GRAMD4: variants seen among roughly 807,000 people sequenced by gnomAD.
GRAMD4 encodes GRAM domain-containing protein 4.
In GRAMD4, 25 loss-of-function variants were observed where a neutral mutation model predicts 83.9. The ratio of observed to expected loss-of-function variants is 0.30; its 90% CI spans 0.22 to 0.42. The LOEUF (loss-of-function observed/expected upper bound fraction) is 0.42, where lower values mean the gene tolerates loss of function less well. Among genes scored for constraint, GRAMD4 ranks in the 10% least tolerant of loss-of-function variants. The pLI is 1.00. For synonymous variants in GRAMD4, 336 were observed against 320.9 expected (o/e 1.05, Z -0.50); for missense variants, 593 against 788.7 (o/e 0.75, Z 2.97).
At chr22:46,605,628 T>G (rs1041283777) in intron 1 of GRAMD4, among the ~76,000 whole-genome samples, 2 of 152,276 alleles carry the variant, frequency 1.3e-5, no homozygotes, top group African/African-American at 4.8e-5. Context: ...TTCTGAGTTT[T>G]TGATCATGGC....
chr22:46,585,883 C>T (rs1371484936), intron 1 of GRAMD4, among the ~76,000 whole-genome samples: 3 of 152,218 alleles, frequency 2.0e-5, no homozygotes, highest in African/African-American at 7.2e-5. Flanking sequence ...AGCCTCTGTG[C>T]AAGGCTCCTG....
chr22:46,614,291 C>T (rs1601560104), intron 1 of GRAMD4, among the ~76,000 whole-genome samples: 1 of 152,172 alleles, frequency 6.6e-6, no homozygotes, highest in East Asian at 1.9e-4. Context: ...GCTGCTGCCA[C>T]TCGGGGCCTC....
intron 1 of GRAMD4, among the ~76,000 whole-genome samples, chr22:46,612,441 T>G (rs551666906): frequency 6.6e-6 from 1 of 152,324 alleles, no homozygotes; most frequent in African/African-American, 2.4e-5. Flanking sequence ...GTTGGTGGTG[T>G]TGAGCAGGCT....
intron 1 of GRAMD4, among the ~76,000 whole-genome samples, chr22:46,595,710 C>T (rs750624973): frequency 9.2e-5 from 14 of 152,248 alleles, no homozygotes; most frequent in Non-Finnish European, 1.9e-4. Context: ...GGGACCCCTG[C>T]GGCCGGTCAG....
chr22:46,671,044 T>C (rs1456294871), intron 13 of GRAMD4: 2 of 457,324 alleles, frequency 4.4e-6, no homozygotes, highest in South Asian at 1.6e-5. Context: ...ATGTATTCTT[T>C]TGCAGTGCTG....
chr22:46,611,834 CA>C (rs138512), intron 1 of GRAMD4, among the ~76,000 whole-genome samples: 38,024 of 137,842 alleles, frequency 0.28, 5,501 homozygotes, highest in Non-Finnish European at 0.35. Context: ...ACTAAAAATA[CA>C]AAAAAAAAAA....
Position 46,678,347 on chromosome 22 carries a change from G to A in GRAMD4, c.*1096G>A. ...CACTGCCTGCAGCCGACATGCGACA[G>A]CGTTCCCTCCCCCGCGTGCCTAGCC... On this transcript the variant is annotated 3_prime_UTR_variant, in exon 19 of 19. Coordinates refer to ENST00000406902, the MANE Select transcript of GRAMD4 (RefSeq NM_015124.5). The A allele has an allele frequency of 1.0e-6, 1 of 985,512 alleles. No individual in the cohort carries two copies. The highest frequency in any genetic ancestry group is 1.2e-6 in the Non-Finnish European group (1 of 829,984). 61.0% of individuals were successfully genotyped at this position (985,512 alleles called of 1,614,324 possible).
intron 18 of GRAMD4, 79 bp downstream of exon 18, chr22:46,676,747 G>C: frequency 7.8e-7 from 1 of 1,277,550 alleles, no homozygotes; most frequent in East Asian, 2.5e-5. Context: ...GGACCAGCGT[G>C]GGGCAGACAG....
intron 2 of GRAMD4, among the ~76,000 whole-genome samples, chr22:46,635,894 G>A (rs537365640): frequency 2.0e-5 from 3 of 152,062 alleles, no homozygotes; most frequent in East Asian, 3.9e-4. Flanking sequence ...GAAGAGGACT[G>A]GAGAGAAACA....
chr22:46,627,189 G>C (rs73469122), intron 2 of GRAMD4, among the ~76,000 whole-genome samples: 2,160 of 152,344 alleles, frequency 0.014, 41 homozygotes, highest in African/African-American at 0.049. Flanking sequence ...GGCTGGATTG[G>C]TTTTCCTCAC....
chr22:46,673,162 G>A (rs756282941), intron 14 of GRAMD4, among the ~76,000 whole-genome samples, 165 bp downstream of exon 14: 5 of 152,000 alleles, frequency 3.3e-5, no homozygotes, highest in African/African-American at 7.2e-5. Flanking sequence ...TTACCACTGC[G>A]GTTTCTGAGG....
chr22:46,650,367 G>T (rs1016596781), intron 3 of GRAMD4, among the ~76,000 whole-genome samples: 18 of 128,006 alleles, frequency 1.4e-4, no homozygotes, highest in African/African-American at 5.6e-4. Flanking sequence ...GCGTGTCGAG[G>T]CTGGGTGGAG....
chr22:46,671,149 C>G (rs2082497602), intron 13 of GRAMD4: 2 of 459,924 alleles, frequency 4.3e-6, no homozygotes, highest in Admixed American at 2.4e-5. Context: ...AGCTGTCCCT[C>G]CTGGGTCGGC....
chr22:46,671,000 G>A (rs2082494314), intron 13 of GRAMD4: 1 of 405,950 alleles, frequency 2.5e-6, no homozygotes, highest in African/African-American at 2.0e-5. Flanking sequence ...TGCCAGGTGT[G>A]GGCCAAGATG....
At position 46,679,731 on chromosome 22, in the gene GRAMD4, A is replaced by C; in HGVS notation, c.*2480A>C. 1 of 967,854 alleles carries C rather than the reference A, an allele frequency of 1.0e-6. No homozygotes were observed. Among genetic ancestry groups the C allele is most frequent in the Non-Finnish European group, 1.2e-6 (1 of 813,746 alleles). The allele number at this position is 967,854 out of a possible 1,614,324, so 60.0% of individuals were successfully genotyped here. The stretch of plus-strand genomic sequence containing the variant: ...GAAAACTTTGTTTGTTTAAAGAAAA[A>C]GTATTGTATAAATTATAATTTTTAT... On this transcript the variant is annotated 3_prime_UTR_variant, in exon 19 of 19. Transcript: ENST00000406902.
chr22:46,665,335 G>A (rs902693960), intron 8 of GRAMD4, among the ~76,000 whole-genome samples: 4 of 152,342 alleles, frequency 2.6e-5, no homozygotes, highest in Admixed American at 6.5e-5. Flanking sequence ...GAGCCACACC[G>A]GGGCAGGCAG....
chr22:46,649,128 T>G (rs897292476), intron 3 of GRAMD4, among the ~76,000 whole-genome samples: 1 of 152,168 alleles, frequency 6.6e-6, no homozygotes, highest in Non-Finnish European at 1.5e-5. Context: ...CCAGATGCAG[T>G]TTTATCTGTG....
intron 13 of GRAMD4, 54 bp downstream of exon 13, chr22:46,668,962 G>A (rs752764280): frequency 1.2e-4 from 115 of 976,208 alleles, no homozygotes; most frequent in South Asian, 1.1e-3. Context: ...ACAGGTGTCC[G>A]CATGCCACCA....
intron 16 of GRAMD4, among the ~76,000 whole-genome samples, chr22:46,675,166 C>A (rs576248578): frequency 6.6e-6 from 1 of 151,096 alleles, no homozygotes; most frequent in South Asian, 2.1e-4. Context: ...GAGCAGTGGC[C>A]GTGAGTGTCT....
Sources: allele counts gnomAD v4.1 joint callset (sites outside exome capture counted in the v4.1 genomes callset), GRCh38; gene constraint gnomAD v4.1.1; transcripts MANE v1.5; gene names NCBI Gene and HGNC (gene_info 2026-07-23, HGNC 2026-07-21).